TMCC3: variants seen among roughly 807,000 people sequenced by gnomAD.
TMCC3 encodes transmembrane and coiled-coil domain family 3, also known as transmembrane and coiled-coil domain protein 3.
In TMCC3, 28 loss-of-function variants were observed where a neutral mutation model predicts 40.2. That is an observed-to-expected ratio of 0.70 (90% CI 0.52 to 0.95). The LOEUF is 0.95. Among genes scored for constraint, TMCC3 ranks in the 40% least tolerant of loss-of-function variants. TMCC3 has a pLI of 0.00. For synonymous variants in TMCC3, 255 were observed against 248.5 expected (o/e 1.03, Z -0.25); for missense variants, 554 against 615.2 (o/e 0.90, Z 1.05).
At chr12:94,600,442 A>G (rs1032847832) in intron 1 of TMCC3, among the ~76,000 whole-genome samples, 2 of 151,928 alleles carry the variant, frequency 1.3e-5, no homozygotes, top group Admixed American at 1.3e-4. Context: ...TGATCTTCTA[A>G]ACTCCCACTT....
intron 1 of TMCC3, among the ~76,000 whole-genome samples, chr12:94,624,929 T>C (rs1184822615): frequency 6.6e-6 from 1 of 151,212 alleles, no homozygotes; most frequent in African/African-American, 2.4e-5. Flanking sequence ...TCACTTGAGG[T>C]CAGGAGTTCG....
chr12:94,623,010 T>C (rs989750157), intron 1 of TMCC3, among the ~76,000 whole-genome samples: 8 of 152,164 alleles, frequency 5.3e-5, no homozygotes, highest in African/African-American at 1.9e-4. Flanking sequence ...GTAAAAAATA[T>C]TCTTGGGATA....
chr12:94,600,431 C>G (rs1308414867), intron 1 of TMCC3, among the ~76,000 whole-genome samples: 1 of 152,200 alleles, frequency 6.6e-6, no homozygotes, highest in South Asian at 2.1e-4. Context: ...AGTCATTACA[C>G]TGATCTTCTA....
chr12:94,587,347 C>G (rs1236983686), intron 1 of TMCC3, among the ~76,000 whole-genome samples: 1 of 152,140 alleles, frequency 6.6e-6, no homozygotes, highest in East Asian at 1.9e-4. Flanking sequence ...GGAGACAGAA[C>G]CAGACAATTC....
chr12:94,640,056 T>C (rs1318555329), intron 1 of TMCC3, among the ~76,000 whole-genome samples: 4 of 152,236 alleles, frequency 2.6e-5, no homozygotes, highest in African/African-American at 9.6e-5. Flanking sequence ...AAGCATTAAA[T>C]AACATAGAAT....
At chr12:94,572,150 C>T (rs2068534233) in intron 3 of TMCC3, among the ~76,000 whole-genome samples, 1 of 151,822 alleles carries the variant, frequency 6.6e-6, no homozygotes, top group Non-Finnish European at 1.5e-5. Flanking sequence ...CAGGTGCGCA[C>T]CACCATGTCT....
intron 1 of TMCC3, among the ~76,000 whole-genome samples, chr12:94,623,593 G>C (rs556184090): frequency 1.7e-4 from 26 of 152,356 alleles, no homozygotes; most frequent in African/African-American, 6.0e-4. Context: ...AGAGCACGGT[G>C]TCCATCTTTA....
intron 1 of TMCC3, among the ~76,000 whole-genome samples, chr12:94,644,155 C>T (rs1005850544): frequency 6.6e-6 from 1 of 152,198 alleles, no homozygotes; most frequent in African/African-American, 2.4e-5. Flanking sequence ...CCCAAGTCGA[C>T]GGAAGCAGTT....
At chr12:94,606,620 T>C (rs1191107616) in intron 1 of TMCC3, among the ~76,000 whole-genome samples, 2 of 151,996 alleles carry the variant, frequency 1.3e-5, no homozygotes, top group Non-Finnish European at 2.9e-5. Context: ...TGTCAGCCGG[T>C]CTGAGAAATA....
intron 1 of TMCC3, among the ~76,000 whole-genome samples, chr12:94,646,754 A>T (rs7964274): frequency 0.74 from 95,399 of 128,086 alleles, 31,903 homozygotes; most frequent in East Asian, 0.83. Flanking sequence ...TTTTTTTTTT[A>T]AAAAACAAAT....
chr12:94,602,243 C>T (rs543429471), intron 1 of TMCC3, among the ~76,000 whole-genome samples: 6 of 152,284 alleles, frequency 3.9e-5, no homozygotes, highest in African/African-American at 9.6e-5. Flanking sequence ...TGAATCATTA[C>T]GACCTTAGCA....
intron 1 of TMCC3, among the ~76,000 whole-genome samples, chr12:94,617,725 T>G (rs2068855265): frequency 6.6e-6 from 1 of 152,240 alleles, no homozygotes; most frequent in South Asian, 2.1e-4. Context: ...AATGCAAAGA[T>G]CTCAAAATTG....
At chr12:94,611,200 T>A (rs886904258) in intron 1 of TMCC3, among the ~76,000 whole-genome samples, 1 of 152,148 alleles carries the variant, frequency 6.6e-6, no homozygotes, top group South Asian at 2.1e-4. Flanking sequence ...AACTCCCTAC[T>A]GAAAAGAGAA....
intron 1 of TMCC3, chr12:94,591,066 T>C: frequency 1.9e-6 from 1 of 518,460 alleles, no homozygotes; most frequent in South Asian, 1.5e-5. Flanking sequence ...AACAGAATAT[T>C]CCAATGCTCT....
At position 94,582,180 on chromosome 12, in the gene TMCC3, T is replaced by C; in HGVS notation, c.437A>G (p.Asn146Ser). 3 of 1,614,166 alleles carry C rather than the reference T, an allele frequency of 1.9e-6. No homozygotes were observed. Among genetic ancestry groups the C allele is most frequent in the Non-Finnish European group, 2.5e-6 (3 of 1,180,022 alleles). The change falls in exon 2 of 4, where the codon AAT (asparagine) becomes AGT (serine). Residue 146 changes from asparagine (N) to serine (S), a missense_variant. By Grantham distance (46) the Asn-to-Ser change is conservative (BLOSUM62 1). Transcript: ENST00000261226. ...YHRKLREIEQNGASRSSKDIS... is the reference protein window; with the variant it reads ...YHRKLREIEQSGASRSSKDIS... Reference sequence around the variant, plus strand: ...GTCCTTTGAGCTCCTAGAGGCTCCATTCTGCTCGATCTCTCTGAGCTTTCG... The same window carrying C: ...GTCCTTTGAGCTCCTAGAGGCTCCACTCTGCTCGATCTCTCTGAGCTTTCG...
intron 1 of TMCC3, chr12:94,615,854 A>G: frequency 1.1e-6 from 1 of 887,458 alleles, no homozygotes; most frequent in Non-Finnish European, 1.4e-6. Context: ...AGGATATTAA[A>G]GACCACAAAG....
intron 1 of TMCC3, among the ~76,000 whole-genome samples, chr12:94,618,548 T>C (rs2068858898): frequency 6.6e-6 from 1 of 152,266 alleles, no homozygotes; most frequent in South Asian, 2.1e-4. Context: ...TCAGAGCTAA[T>C]GGTCTTTAGG....
chr12:94,572,833 G>A (rs1297687030), intron 3 of TMCC3, among the ~76,000 whole-genome samples: 1 of 152,076 alleles, frequency 6.6e-6, no homozygotes, highest in Admixed American at 6.6e-5. Context: ...GGAGGGGAAG[G>A]GACTGGGGCT....
intron 1 of TMCC3, among the ~76,000 whole-genome samples, chr12:94,616,789 G>T (rs1212630071): frequency 6.6e-6 from 1 of 152,242 alleles, no homozygotes; most frequent in African/African-American, 2.4e-5. Context: ...TGCAGTTGAA[G>T]ACTGGGACAG....
Sources: gnomAD v4.1 joint callset for allele counts (sites outside exome capture counted in the v4.1 genomes callset) on GRCh38, gnomAD v4.1.1 for gene constraint, MANE v1.5 for transcripts, NCBI Gene and HGNC (gene_info 2026-07-23, HGNC 2026-07-21) for gene names.